PRKDC: variants seen among roughly 807,000 people sequenced by gnomAD.
The protein encoded by PRKDC is protein kinase, DNA-activated, catalytic subunit, also known as DNA-dependent protein kinase catalytic subunit.
PRKDC carries 82 observed loss-of-function variants against 486.9 expected under a neutral mutation model. That is an observed-to-expected ratio of 0.17 (90% CI 0.14 to 0.20). The LOEUF (loss-of-function observed/expected upper bound fraction) is 0.20. Among genes scored for constraint, PRKDC ranks in the 10% least tolerant of loss-of-function variants. The pLI, the probability that PRKDC is intolerant of heterozygous loss-of-function variation, is 1.00. For missense variants in PRKDC, 4,504 were observed against 5,038.2 expected, an observed-to-expected ratio of 0.89 and a Z score of 3.21; for synonymous variants, 1,895 against 1,837.0, an observed-to-expected ratio of 1.03 and a Z score of -0.81.
chr8:47,864,491 A>T (rs2088757989), intron 41 of PRKDC, 65 bp downstream of exon 41: 1 of 1,411,106 alleles, frequency 7.1e-7, no homozygotes, highest in African/African-American at 1.4e-5. Context: ...AGCACACAGC[A>T]GTGTCTAGGC....
chr8:47,859,785 A>G, intron 45 of PRKDC, 26 bp from the exon 46 acceptor site: 5 of 1,579,506 alleles, frequency 3.2e-6, no homozygotes, highest in Non-Finnish European at 4.3e-6. Flanking sequence ...GGAGAAAATT[A>G]CATGTATTCA....
intron 51 of PRKDC, 91 bp downstream of exon 51, chr8:47,853,992 G>C (rs1563767914): frequency 8.1e-6 from 12 of 1,485,682 alleles, no homozygotes; most frequent in Non-Finnish European, 1.0e-5. Context: ...CATGGGTCTG[G>C]TCCTTAAAAT....
At chr8:47,888,891 C>T in intron 33 of PRKDC, 123 bp downstream of exon 33, 1 of 1,114,548 alleles carries the variant, frequency 9.0e-7, no homozygotes, top group Non-Finnish European at 1.3e-6. Flanking sequence ...AGGTCACTGG[C>T]AGCAAACATC....
rs773960740 is a variant in PRKDC at position 47,807,145 on chromosome 8, G to A, written c.9739C>T (p.Arg3247Trp). The part of the protein sequence containing the change: ...SMKMKMIDSA[R>W]KQNNFSLAMK... ...CAGACACGAGTACCCACCTGCTTCC[G>A]GGCACTGTCTATCATCTTCATTTTC... The change falls in exon 69 of 86, where the codon CGG becomes TGG. Residue 3247 changes from arginine (R) to tryptophan (W), a missense_variant. This residue lies in a region of PRKDC where 1,592 missense variants were observed against 1,724.6 expected (regional missense o/e 0.92). Coordinates refer to ENST00000314191, the MANE Select transcript of PRKDC (RefSeq NM_006904.7). 8.1e-6 allele frequency: 13 copies of A among 1,613,338 alleles called. No homozygotes were observed. Among genetic ancestry groups the A allele is most frequent in the Non-Finnish European group, 1.1e-5 (13 of 1,179,544 alleles).
At position 47,859,735 on chromosome 8, in the gene PRKDC, A is replaced by G. The variant is rs1361504741; in HGVS notation, c.6083T>C (p.Leu2028Pro). The change falls in exon 46 of 86, where the codon CTG (leucine) becomes CCG (proline). Residue 2028 changes from leucine (L) to proline (P), a missense_variant. Coordinates refer to ENST00000314191, the MANE Select transcript of PRKDC (RefSeq NM_006904.7). ...CAGGGTACTGTCTGCCAAATATGAC[A>G]GGGAAGACATATAGGAAGGACCATC... ...DSDGPSYMSSLSYLADSTLSE... is the reference protein window; with the variant it reads ...DSDGPSYMSSPSYLADSTLSE... 1 of 1,612,802 alleles carries G rather than the reference A, an allele frequency of 6.2e-7. No homozygotes were observed. Among genetic ancestry groups the G allele is most frequent in the South Asian group, 1.1e-5 (1 of 91,052 alleles).
At chr8:47,916,950 C>T (rs1426390930) in intron 22 of PRKDC, among the ~76,000 whole-genome samples, 1 of 152,134 alleles carries the variant, frequency 6.6e-6, no homozygotes, top group African/African-American at 2.4e-5. Flanking sequence ...AAGGAACAGG[C>T]ATTGTGTATC....
chr8:47,786,786 G>A (rs1250299314), intron 76 of PRKDC, among the ~76,000 whole-genome samples: 8 of 143,740 alleles, frequency 5.6e-5, no homozygotes, highest in Admixed American at 5.0e-4. Context: ...CTAGAGTGCG[G>A]TGGTGCGATC....
chr8:47,783,708 G>C lies in PRKDC; in HGVS notation c.11175+34C>G, dbSNP rs1296495671. ...ATTCTCATCTGAAGAACGTTCATCA[G>C]GACAGGGACTGGGTCACACACCCTC... is the stretch of plus-strand genomic sequence containing the variant. On this transcript the variant is annotated intron_variant, in intron 78 of 85. Transcript: ENST00000314191. 3.7e-6 allele frequency: 6 copies of C among 1,609,490 alleles called. No individual in the cohort carries two copies. In the African/African-American group the frequency reaches 6.7e-5, roughly 18 times the overall value.
chr8:47,782,569 G>A lies in PRKDC; in HGVS notation c.11205C>T (p.Pro3735=). The part of the protein sequence containing the change: ...RVTVMASLRR[P]KRIIIRGHDE... ...CATGGCCACGGATGATGATGCGCTT[G>A]GGCCTTCGCAGAGACGCCATGACTG... Residue 3735 remains proline, a synonymous_variant, in exon 79 of 86, where the codon CCC becomes CCT. Coordinates refer to ENST00000314191, the MANE Select transcript of PRKDC (RefSeq NM_006904.7). The surrounding 1 kb of genome is among the most constrained non-coding windows in gnomAD (Gnocchi z 4.9). 1.3e-6 allele frequency: 2 copies of A among 1,567,278 alleles called. No individual in the cohort carries two copies. Among genetic ancestry groups the A allele is most frequent in the Non-Finnish European group, 1.7e-6 (2 of 1,156,132 alleles).
At chr8:47,927,632 T>G in intron 20 of PRKDC, 139 bp downstream of exon 20, 1 of 1,149,682 alleles carries the variant, frequency 8.7e-7, no homozygotes, top group Non-Finnish European at 1.2e-6. Context: ...AGCCAGTAAG[T>G]GGCAGAAGCA....
intron 69 of PRKDC, 33 bp from the exon 70 acceptor site, chr8:47,803,513 T>C: frequency 6.2e-7 from 1 of 1,605,004 alleles, no homozygotes; most frequent in Admixed American, 1.7e-5. Context: ...GAGAAGGTGG[T>C]ATGATGATAC....
intron 59 of PRKDC, among the ~76,000 whole-genome samples, chr8:47,833,396 T>G (rs778414576): frequency 3.3e-5 from 5 of 152,134 alleles, no homozygotes; most frequent in Non-Finnish European, 7.4e-5. Flanking sequence ...TCTCTGCACA[T>G]GTCCTTCCTC....
At chr8:47,913,419 C>T (rs997650873) in intron 24 of PRKDC, among the ~76,000 whole-genome samples, 1 of 151,388 alleles carries the variant, frequency 6.6e-6, no homozygotes, top group South Asian at 2.1e-4. Flanking sequence ...TTTTTTGAGA[C>T]GGAGTCTCGC....
At chr8:47,804,296 CTTT>C (rs767946033) in intron 69 of PRKDC, among the ~76,000 whole-genome samples, 2 of 135,930 alleles carry the variant, frequency 1.5e-5, no homozygotes, top group Admixed American at 7.4e-5. Context: ...GGACATGCCA[CTTT>C]TTTTTTTTTT....
chr8:47,927,624 C>T (rs1391732085), intron 20 of PRKDC, 147 bp downstream of exon 20: 1 of 1,104,062 alleles, frequency 9.1e-7, no homozygotes, highest in Non-Finnish European at 1.2e-6. Flanking sequence ...AGTCCCAAAG[C>T]CAGTAAGTGG....
At chr8:47,934,344 C>G (rs905118771) in intron 14 of PRKDC, among the ~76,000 whole-genome samples, 11 of 152,188 alleles carry the variant, frequency 7.2e-5, no homozygotes, top group Admixed American at 6.5e-5. Context: ...TTGAAACCAG[C>G]CTGGCCAACA....
chr8:47,889,455 A>G (rs1384415890), intron 32 of PRKDC, among the ~76,000 whole-genome samples: 3 of 152,242 alleles, frequency 2.0e-5, no homozygotes, highest in African/African-American at 7.2e-5. Context: ...ACAGAGGCGC[A>G]CAGCCATGCT....
At position 47,803,399 on chromosome 8, in the gene PRKDC, C is replaced by G. The variant is rs576619387; in HGVS notation, c.9829G>C (p.Val3277Leu). Residue 3277 changes from valine to leucine, a missense_variant, in exon 70 of 86, where the codon GTG becomes CTG. Coordinates refer to ENST00000314191, the MANE Select transcript of PRKDC (RefSeq NM_006904.7). The stretch of plus-strand genomic sequence containing the variant: ...TGGCTCAGGCGGCAGTAGCTCTGCA[C>G]CCAGCTCACCAGCCAATCGTCTCTG... ...KTRDDWLVSWVQSYCRLSHCR... is the reference protein window; with the variant it reads ...KTRDDWLVSWLQSYCRLSHCR... 1 of 1,614,006 alleles carries G rather than the reference C, an allele frequency of 6.2e-7. No individual in the cohort carries two copies. Among genetic ancestry groups the G allele is most frequent in the Non-Finnish European group, 8.5e-7 (1 of 1,179,890 alleles).
intron 76 of PRKDC, among the ~76,000 whole-genome samples, chr8:47,786,766 G>A (rs1442525988): frequency 9.8e-6 from 1 of 101,626 alleles, no homozygotes; most frequent in Non-Finnish European, 1.8e-5. Context: ...GTCTTGCTCT[G>A]TCACCCAGGC....
Sources: allele counts gnomAD v4.1 joint callset (sites outside exome capture counted in the v4.1 genomes callset), GRCh38; gene constraint gnomAD v4.1.1; regional missense constraint gnomAD v4.1.1; non-coding constraint Gnocchi (gnomAD v3.1); transcripts MANE v1.5; gene names NCBI Gene and HGNC (gene_info 2026-07-23, HGNC 2026-07-21).